Variants in GOLT1B observed in about 807,000 individuals in gnomAD.
GOLT1B encodes the protein vesicle transport protein GOT1B.
Under a neutral mutation model 15.4 loss-of-function variants are expected in GOLT1B, and 3 were observed. The ratio of observed to expected loss-of-function variants is 0.19; its 90% CI spans 0.09 to 0.50. GOLT1B has a LOEUF of 0.50. GOLT1B is among the 20% of genes least tolerant of loss of function. The pLI, the probability that GOLT1B is intolerant of heterozygous loss-of-function variation, is 0.97. For synonymous variants in GOLT1B, 65 were observed against 56.2 expected, an observed-to-expected ratio of 1.16 and a Z score of -0.70; for missense variants, 145 against 160.4, an observed-to-expected ratio of 0.90 and a Z score of 0.52.
At chr12:21,503,561 C>A (rs185175380) in intron 1 of GOLT1B, among the ~76,000 whole-genome samples, 1 of 152,300 alleles carries the variant, frequency 6.6e-6, no homozygotes, top group Non-Finnish European at 1.5e-5. Context: ...GGCATTCTCC[C>A]TGAGAAGCAT....
At chr12:21,515,637 T>C in intron 4 of GOLT1B, 32 bp from the exon 5 acceptor site, 1 of 1,140,076 alleles carries the variant, frequency 8.8e-7, no homozygotes, top group Non-Finnish European at 1.3e-6. Flanking sequence ...TTCCGGGCTT[T>C]CTTTAATTCT....
intron 1 of GOLT1B, among the ~76,000 whole-genome samples, chr12:21,504,784 G>C (rs1943667842): frequency 6.6e-6 from 1 of 152,142 alleles, no homozygotes; most frequent in Non-Finnish European, 1.5e-5. Context: ...CATACTCAGA[G>C]ATTGGCCTTT....
intron 1 of GOLT1B, among the ~76,000 whole-genome samples, chr12:21,505,492 C>T (rs1309955523): frequency 6.6e-6 from 1 of 152,038 alleles, no homozygotes; most frequent in Non-Finnish European, 1.5e-5. Context: ...GTGTTGAATT[C>T]ACTTAACTGG....
rs778006286 is a variant in GOLT1B, at chr12:21,512,684, ATC to A, written c.378+312_378+313del. Among the ~76,000 whole-genome samples the A allele has an allele frequency of 4.3e-4, 65 of 152,246 alleles. 1 individual carries two copies. Among genetic ancestry groups the A allele is most frequent in the Non-Finnish European group, 7.9e-4 (54 of 68,022 alleles). The stretch of plus-strand genomic sequence containing the variant: ...GCATTTTTTATTTAACTTTTATATA[ATC>A]TCTAATTTTAGAAGCAATAATGTAA... On this transcript the variant is annotated intron_variant, in intron 4 of 4. Coordinates refer to ENST00000229314, the MANE Select transcript of GOLT1B (RefSeq NM_016072.5).
rs1943761661 is a variant in GOLT1B, at chr12:21,517,087, G to A, written c.*1380G>A. 1 of 152,322 alleles carries A rather than the reference G, an allele frequency of 6.6e-6. No individual in the cohort carries two copies. Among genetic ancestry groups the A allele is most frequent in the African/African-American group, 2.4e-5 (1 of 41,384 alleles). The allele number at this position is 152,322 out of a possible 1,614,324, so 9.4% of individuals were successfully genotyped here. A position where few individuals can be genotyped will look rare whatever the true frequency, so the allele number is the denominator to read the frequency against. On this transcript the variant is annotated 3_prime_UTR_variant, in exon 5 of 5. Coordinates refer to ENST00000229314, the MANE Select transcript of GOLT1B (RefSeq NM_016072.5). Reference sequence around the variant, plus strand: ...GTTTTGTTTTTTTAACAGTTGCAAAGCTTTTTAATGCATAAAAGTATAATT... The same window carrying A: ...GTTTTGTTTTTTTAACAGTTGCAAAACTTTTTAATGCATAAAAGTATAATT...
At chr12:21,515,460 A>G (rs895142185) in intron 4 of GOLT1B, among the ~76,000 whole-genome samples, 3 of 152,128 alleles carry the variant, frequency 2.0e-5, no homozygotes, top group Non-Finnish European at 2.9e-5. Flanking sequence ...TCATGCAAAA[A>G]ACAACTTTTA....
intron 3 of GOLT1B, among the ~76,000 whole-genome samples, chr12:21,508,919 A>AGATAGATAGATAGATCGATC (rs1555149887): frequency 6.6e-6 from 1 of 151,272 alleles, no homozygotes; most frequent in Non-Finnish European, 1.5e-5. Flanking sequence ...ATAGATAGAT[A>AGATAGATAGATAGATCGATC]GATCCAGCAT....
chr12:21,504,892 C>G (rs1943668587), intron 1 of GOLT1B, among the ~76,000 whole-genome samples: 1 of 152,170 alleles, frequency 6.6e-6, no homozygotes, highest in Non-Finnish European at 1.5e-5. Context: ...CCCAGAAGTT[C>G]AGAATACTCC....
Position 21,514,052 on chromosome 12 carries a change from A to G in GOLT1B, c.379-1617A>G, listed in dbSNP as rs533997396. Among the ~76,000 whole-genome samples, 15 of 152,320 alleles carry G rather than the reference A, an allele frequency of 9.8e-5. No individual in the cohort carries two copies. The South Asian group carries it at 3.1e-3, about 32-fold the overall frequency. On this transcript the variant is annotated intron_variant, in intron 4 of 4. Coordinates refer to ENST00000229314, the MANE Select transcript of GOLT1B (RefSeq NM_016072.5). The stretch of plus-strand genomic sequence containing the variant: ...TGACTGTCTCTTAGCCTACCTCCTC[A>G]GTTTCAAAACTAAACAAAATCCTTA...
At chr12:21,507,763 C>T (rs747782647) in intron 2 of GOLT1B, among the ~76,000 whole-genome samples, 20 of 152,252 alleles carry the variant, frequency 1.3e-4, no homozygotes, top group Non-Finnish European at 2.4e-4. Context: ...GGAAAGCAAG[C>T]TCTTAATCCA....
chr12:21,508,285 A>T (rs1943693369), intron 2 of GOLT1B, 98 bp from the exon 3 acceptor site: 21 of 748,698 alleles, frequency 2.8e-5, no homozygotes. Context: ...AGCCAAACAA[A>T]TGTGCTTCTT....
intron 3 of GOLT1B, among the ~76,000 whole-genome samples, chr12:21,511,649 CTT>C (rs902921533): frequency 2.0e-5 from 3 of 152,164 alleles, no homozygotes; most frequent in Non-Finnish European, 2.9e-5. Flanking sequence ...TGTAGAGACT[CTT>C]AAGTATTTTA....
chr12:21,504,649 T>G (rs1362356439), intron 1 of GOLT1B: 1 of 400,520 alleles, frequency 2.5e-6, no homozygotes, highest in Non-Finnish European at 5.1e-6. Context: ...CAAGAACAAG[T>G]TACTGAATTA....
At chr12:21,508,346 A>G (rs1943694128) in intron 2 of GOLT1B, 37 bp from the exon 3 acceptor site, 1 of 1,287,964 alleles carries the variant, frequency 7.8e-7, no homozygotes, top group Non-Finnish European at 1.1e-6. Context: ...ATTGTGTTTA[A>G]TTACCTTTTC....
chr12:21,512,703 A>G (rs560871483), intron 4 of GOLT1B, among the ~76,000 whole-genome samples: 22 of 152,294 alleles, frequency 1.4e-4, no homozygotes, highest in African/African-American at 5.3e-4. Context: ...TTTAGAAGCA[A>G]TAATGTAAAA....
chr12:21,502,576 A>C (rs1943641519), intron 1 of GOLT1B, among the ~76,000 whole-genome samples: 1 of 152,166 alleles, frequency 6.6e-6, no homozygotes, highest in Non-Finnish European at 1.5e-5. Flanking sequence ...CCATTAAAGG[A>C]TATATTTCGT....
In GOLT1B at chr12:21,512,285, C is replaced by A; in HGVS notation, c.297-10C>A. On this transcript the variant is annotated splice_polypyrimidine_tract_variant and intron_variant, in intron 3 of 4. Transcript: ENST00000229314. ...GTAAATATTAAGAACCTTTTTTTTC[C>A]CTCTCCCAGGGGCTTCTTTCCTGTC... 2 of 1,412,048 alleles carry A rather than the reference C, an allele frequency of 1.4e-6. No homozygotes were observed. Among genetic ancestry groups the A allele is most frequent in the Non-Finnish European group, 2.0e-6 (2 of 1,009,844 alleles). The allele number at this position is 1,412,048 out of a possible 1,614,324, so 87.5% of individuals were successfully genotyped here. A position where few individuals can be genotyped will look rare whatever the true frequency, so the allele number is the denominator to read the frequency against.
intron 4 of GOLT1B, among the ~76,000 whole-genome samples, chr12:21,513,933 A>G (rs1943738115): frequency 6.6e-6 from 1 of 152,232 alleles, no homozygotes; most frequent in Non-Finnish European, 1.5e-5. Context: ...CTGCCGTATA[A>G]TGGAAACTCA....
chr12:21,512,164 AGTT>A, intron 3 of GOLT1B, 128 bp from the exon 4 acceptor site: 1 of 609,042 alleles, frequency 1.6e-6, no homozygotes, highest in Non-Finnish European at 2.9e-6. Flanking sequence ...TTAAGTTTGT[AGTT>A]ATTTCTAAGT....
Sources: gnomAD v4.1 joint callset for allele counts (sites outside exome capture counted in the v4.1 genomes callset) on GRCh38, gnomAD v4.1.1 for gene constraint, MANE v1.5 for transcripts, NCBI Gene and HGNC (gene_info 2026-07-23, HGNC 2026-07-21) for gene names.